PATJ: variants seen among roughly 807,000 people sequenced by gnomAD.
PATJ encodes the protein inaD-like protein.
A neutral mutation model predicts 224.9 loss-of-function variants in PATJ; 190 were observed. That is an observed-to-expected ratio of 0.84 (90% CI 0.75 to 0.95). The LOEUF (loss-of-function observed/expected upper bound fraction) is 0.95. PATJ is among the 40% of genes least tolerant of loss of function. The probability of loss-of-function intolerance (pLI) is 0.00; values close to 1 mark genes in which losing one functional copy is unlikely to be tolerated. For missense variants in PATJ, 2,121 were observed against 2,270.3 expected, an observed-to-expected ratio of 0.93 and a Z score of 1.34; for synonymous variants, 769 against 820.3, an observed-to-expected ratio of 0.94 and a Z score of 1.07.
intron 24 of PATJ, among the ~76,000 whole-genome samples, chr1:61,902,242 C>T (rs1023093180): frequency 3.4e-5 from 5 of 148,356 alleles, no homozygotes; most frequent in Admixed American, 2.0e-4. Context: ...AAAAAAAAGG[C>T]ATATTAAACC....
intron 15 of PATJ, among the ~76,000 whole-genome samples, chr1:61,824,889 T>TG (rs1657965485): frequency 1.3e-5 from 2 of 152,180 alleles, no homozygotes; most frequent in Non-Finnish European, 2.9e-5. Flanking sequence ...TAGGATCCCA[T>TG]GGGCCTACCA....
chr1:61,982,797 A>G (rs1466458256), intron 27 of PATJ, among the ~76,000 whole-genome samples: 1 of 152,122 alleles, frequency 6.6e-6, no homozygotes, highest in Non-Finnish European at 1.5e-5. Context: ...TTGTGTGGCA[A>G]CAAAGGATGG....
chr1:61,783,423 C>CTTTTTTTTTT (rs79615768), intron 7 of PATJ, among the ~76,000 whole-genome samples: 9 of 119,212 alleles, frequency 7.5e-5, no homozygotes, highest in Non-Finnish European at 1.1e-4. Context: ...CTTTTCTTTT[C>CTTTTTTTTTT]TTTTTTTTTT....
In PATJ at chr1:62,075,863, A is replaced by G. The variant is rs533932773; in HGVS notation, c.4126-3587A>G. The stretch of plus-strand genomic sequence containing the variant: ...AACCCGAGAGGCAGAGCTTGCAGTG[A>G]CCAGAGATCGCGCCACTGCACTCCA... On this transcript the variant is annotated intron_variant, in intron 31 of 43. Transcript: ENST00000642238. Among the ~76,000 whole-genome samples, 3 of 151,682 alleles carry G rather than the reference A, an allele frequency of 2.0e-5. No homozygotes were observed. The East Asian group carries it at 5.8e-4, about 30-fold the overall frequency.
Position 61,821,724 on chromosome 1 carries a change from G to A in PATJ, c.1684-1221G>A, listed in dbSNP as rs1286811. Among the ~76,000 whole-genome samples, 1,327 of 152,226 alleles carry A rather than the reference G, an allele frequency of 8.7e-3. 21 individuals carry two copies. The highest frequency in any genetic ancestry group is 0.031 in the African/African-American group (1,284 of 41,532). ...GTTTTCTCCTTATAAAATATAGTTC[G>A]AGGTAGGTCTGGTGTTTTTTAGGTA... On this transcript the variant is annotated intron_variant, in intron 14 of 43. Coordinates refer to ENST00000642238, the MANE Select transcript of PATJ (RefSeq NM_001350145.3).
At chr1:61,761,522 A>T (rs1012071899) in intron 1 of PATJ, among the ~76,000 whole-genome samples, 9 of 152,144 alleles carry the variant, frequency 5.9e-5, no homozygotes, top group African/African-American at 2.2e-4. Flanking sequence ...GGAAAGGAAG[A>T]CCCGAAGAAA....
chr1:61,857,258 T>G (rs779380745), intron 18 of PATJ, among the ~76,000 whole-genome samples: 10 of 152,230 alleles, frequency 6.6e-5, no homozygotes, highest in Non-Finnish European at 1.5e-4. Context: ...TATTAAGTGC[T>G]TACTAAATGT....
intron 27 of PATJ, among the ~76,000 whole-genome samples, chr1:61,986,730 A>G (rs756127512): frequency 4.7e-5 from 7 of 150,364 alleles, no homozygotes; most frequent in African/African-American, 1.5e-4. Flanking sequence ...TTCATCACCT[A>G]TTTTTTCTCG....
intron 28 of PATJ, among the ~76,000 whole-genome samples, chr1:62,012,406 A>C (rs1455372998): frequency 6.6e-6 from 1 of 152,220 alleles, no homozygotes; most frequent in East Asian, 1.9e-4. Flanking sequence ...GGTGTTCTGC[A>C]CTCAGTAAAT....
chr1:61,876,519 G>A (rs895985561), intron 21 of PATJ, among the ~76,000 whole-genome samples: 3 of 151,936 alleles, frequency 2.0e-5, no homozygotes, highest in Admixed American at 6.6e-5. Flanking sequence ...AACTTAGCAC[G>A]ATTTTGGACC....
intron 14 of PATJ, among the ~76,000 whole-genome samples, chr1:61,821,500 G>A (rs1390563558): frequency 6.6e-6 from 1 of 152,150 alleles, no homozygotes; most frequent in Non-Finnish European, 1.5e-5. Flanking sequence ...GTCTTAGTCA[G>A]CCAGACTCCT....
chr1:61,960,733 T>G (rs7520931), intron 27 of PATJ, among the ~76,000 whole-genome samples: 51,391 of 151,996 alleles, frequency 0.34, 9,369 homozygotes, highest in Non-Finnish European at 0.39. Flanking sequence ...AAATTCCTCT[T>G]GATTTTTTTA....
intron 33 of PATJ, among the ~76,000 whole-genome samples, chr1:62,093,289 C>G (rs1244373970): frequency 6.6e-6 from 1 of 152,204 alleles, no homozygotes; most frequent in Non-Finnish European, 1.5e-5. Flanking sequence ...GAAGTGACCT[C>G]ACTTAACCCC....
At chr1:61,795,647 A>C in intron 10 of PATJ, 89 bp downstream of exon 10, 2 of 666,142 alleles carry the variant, frequency 3.0e-6, no homozygotes, top group Non-Finnish European at 5.1e-6. Flanking sequence ...GGAATAGCTT[A>C]ATATAGTTTT....
At chr1:61,895,449 C>G (rs1367834655) in intron 22 of PATJ, among the ~76,000 whole-genome samples, 2 of 152,188 alleles carry the variant, frequency 1.3e-5, no homozygotes, top group African/African-American at 4.8e-5. Context: ...GACTTTGTAC[C>G]CTGCATTCCA....
At chr1:61,890,456 C>A (rs1669450966) in intron 22 of PATJ, among the ~76,000 whole-genome samples, 1 of 152,088 alleles carries the variant, frequency 6.6e-6, no homozygotes, top group African/African-American at 2.4e-5. Context: ...TCCAGCCTGG[C>A]AAACACAGTG....
intron 33 of PATJ, among the ~76,000 whole-genome samples, chr1:62,087,438 C>T (rs904717825): frequency 6.6e-6 from 1 of 151,970 alleles, no homozygotes; most frequent in Non-Finnish European, 1.5e-5. Context: ...GGTAAAAAGA[C>T]ATTATTCAGA....
intron 42 of PATJ, among the ~76,000 whole-genome samples, chr1:62,150,977 T>C (rs1668572418): frequency 6.6e-6 from 1 of 151,648 alleles, no homozygotes; most frequent in South Asian, 2.1e-4. Flanking sequence ...CCATCTCTAC[T>C]AAAAATACAA....
Position 62,097,918 on chromosome 1 carries a change from A to G in PATJ, c.4378-10519A>G, listed in dbSNP as rs148039284. Among the ~76,000 whole-genome samples, 426 of 152,292 alleles carry G rather than the reference A, an allele frequency of 2.8e-3. 7 individuals are homozygous for G. Among genetic ancestry groups the G allele is most frequent in the Admixed American group, 1.6e-3 (24 of 15,302 alleles). On this transcript the variant is annotated intron_variant, in intron 33 of 43. Coordinates refer to ENST00000642238, the MANE Select transcript of PATJ (RefSeq NM_001350145.3). The stretch of plus-strand genomic sequence containing the variant: ...ACAGTGACTTTATCTGCTTCACTCT[A>G]CACAACATTTGGGTTCATAGAGGCC...
Sources: gnomAD v4.1 joint callset for allele counts (sites outside exome capture counted in the v4.1 genomes callset) on GRCh38, gnomAD v4.1.1 for gene constraint, MANE v1.5 for transcripts, NCBI Gene and HGNC (gene_info 2026-07-23, HGNC 2026-07-21) for gene names.